Variants in CACNA1G observed in about 807,000 individuals in gnomAD.
CACNA1G encodes voltage-dependent T-type calcium channel subunit alpha-1G.
A neutral mutation model predicts 219.4 loss-of-function variants in CACNA1G; 67 were observed. The ratio of observed to expected loss-of-function variants is 0.31; its 90% CI spans 0.25 to 0.37. CACNA1G has a LOEUF of 0.37. Among genes scored for constraint, CACNA1G ranks in the 10% least tolerant of loss-of-function variants. CACNA1G has a pLI of 1.00. For synonymous variants in CACNA1G, 1,296 were observed against 1,345.3 expected, an observed-to-expected ratio of 0.96 and a Z score of 0.80; for missense variants, 2,380 against 3,231.4, an observed-to-expected ratio of 0.74 and a Z score of 6.39.
chr17:50,575,518 C>A (rs1341175142), intron 7 of CACNA1G, 25 bp from the exon 8 acceptor site: 1 of 1,584,086 alleles, frequency 6.3e-7, no homozygotes, highest in East Asian at 2.3e-5. Context: ...CAGGACATTT[C>A]CTCTTCCTGT....
At chr17:50,572,966 G>C in intron 6 of CACNA1G, 55 bp from the exon 7 acceptor site, 1 of 1,560,182 alleles carries the variant, frequency 6.4e-7, no homozygotes, top group African/African-American at 1.3e-5. Context: ...CTCTGGAGGA[G>C]ACTGAAGGAG....
At chr17:50,574,808 G>A (rs80307193) in intron 7 of CACNA1G, among the ~76,000 whole-genome samples, 2 of 152,272 alleles carry the variant, frequency 1.3e-5, no homozygotes, top group African/African-American at 2.4e-5. Context: ...TCCAAGCAAT[G>A]GCTGTTCCAG....
chr17:50,570,831 G>A (rs894567741), intron 4 of CACNA1G, among the ~76,000 whole-genome samples: 5 of 152,198 alleles, frequency 3.3e-5, no homozygotes, highest in African/African-American at 7.2e-5. Context: ...GTAGGAGGAG[G>A]GGGAGGGAGA....
At chr17:50,570,288 G>C (rs954868335) in intron 4 of CACNA1G, among the ~76,000 whole-genome samples, 1 of 151,810 alleles carries the variant, frequency 6.6e-6, no homozygotes, top group African/African-American at 2.4e-5. Context: ...CCTCCTTCCC[G>C]CCCCCTTCCA....
rs1225024612 is a variant in CACNA1G at position 50,619,670 on chromosome 17, G to T, written c.5782-13G>T. On this transcript the variant is annotated splice_polypyrimidine_tract_variant and intron_variant, in intron 33 of 37. Coordinates refer to ENST00000359106, the MANE Select transcript of CACNA1G (RefSeq NM_018896.5). The stretch of plus-strand genomic sequence containing the variant: ...CCTGCCTCTCCGGCTCCCCTTACGG[G>T]CTGGCTCCCCAGGACAGGCAGCTGT... 2.0e-5 allele frequency: 32 copies of T among 1,605,510 alleles called. No homozygotes were observed. Among genetic ancestry groups the T allele is most frequent in the Non-Finnish European group, 2.5e-5 (29 of 1,177,924 alleles).
At chr17:50,615,014 G>A (rs2050161615) in intron 26 of CACNA1G, among the ~76,000 whole-genome samples, 1 of 152,162 alleles carries the variant, frequency 6.6e-6, no homozygotes, top group African/African-American at 2.4e-5. Flanking sequence ...TCATCGTATC[G>A]ATCTGGCCTT....
At chr17:50,615,198 G>A (rs778405090) in intron 26 of CACNA1G, among the ~76,000 whole-genome samples, 163 bp from the exon 27 acceptor site, 4 of 151,964 alleles carry the variant, frequency 2.6e-5, no homozygotes, top group Admixed American at 1.3e-4. Context: ...ACGCCCAGAC[G>A]GCTGCCCCCA....
intron 25 of CACNA1G, among the ~76,000 whole-genome samples, chr17:50,608,884 G>A (rs2048547218): frequency 6.6e-6 from 1 of 152,132 alleles, no homozygotes; most frequent in Admixed American, 6.5e-5. Context: ...CCATCTGCCT[G>A]GTACAGCGTA....
Position 50,560,788 on chromosome 17 carries a change from GGCGACAGCTACGGCAGCGGCAGCCACC to G in CACNA1G, c.-668_-642del, listed in dbSNP as rs1408257217. Among the ~76,000 whole-genome samples, 2 of 152,156 alleles carry G rather than the reference GGCGACAGCTACGGCAGCGGCAGCCACC, an allele frequency of 1.3e-5. No homozygotes were observed. The highest frequency in any genetic ancestry group is 2.9e-5 in the Non-Finnish European group (2 of 68,000). Reference sequence around the variant, plus strand: ...GGCCGGAGGAGGAGGCTGTGGCGCCGGCGACAGCTACGGCAGCGGCAGCCACCGCGGCGGCTGCGGCGGCGGCATCTC... The same window carrying G: ...GGCCGGAGGAGGAGGCTGTGGCGCCGGCGGCGGCTGCGGCGGCGGCATCTC... On this transcript the variant is annotated 5_prime_UTR_variant, in exon 1 of 38. Transcript: ENST00000359106.
intron 16 of CACNA1G, 45 bp from the exon 17 acceptor site, chr17:50,599,383 C>T (rs2046165973): frequency 6.8e-7 from 1 of 1,477,066 alleles, no homozygotes; most frequent in Non-Finnish European, 9.0e-7. Flanking sequence ...GAGGACAGGG[C>T]TGCTGGGCCC....
rs2040570563 is a variant in CACNA1G at position 50,576,042 on chromosome 17, C to T, written c.1640C>T (p.Pro547Leu). 6.4e-7 allele frequency: 1 copy of T among 1,573,928 alleles called. No homozygotes were observed. Among genetic ancestry groups the T allele is most frequent in the Non-Finnish European group, 8.6e-7 (1 of 1,160,804 alleles). The change falls in exon 8 of 38, where the codon CCT (proline) becomes CTT (leucine). Residue 547 changes from proline to leucine, a missense_variant. Pro to Leu is a moderately conservative substitution (Grantham distance 98, BLOSUM62 -3). Transcript: ENST00000359106. ...ACGCCTGCCCTCTCCGGGGCCCCCC[C>T]TGGTGGCGCAGAGTCTGTGCACAGC... ...PSTPALSGAPPGGAESVHSFY... is the reference protein window; with the variant it reads ...PSTPALSGAPLGGAESVHSFY...
rs1316869795 is a variant in CACNA1G, at chr17:50,621,588, G to A, written c.5926-72G>A. The A allele has an allele frequency of 1.2e-5, 19 of 1,533,576 alleles. No homozygotes were observed. The highest frequency in any genetic ancestry group is 3.4e-4 in the Middle Eastern group (2 of 5,846). The allele number at this position is 1,533,576 out of a possible 1,614,324, so 95.0% of individuals were successfully genotyped here. The stretch of plus-strand genomic sequence containing the variant: ...GGGGAAGTGGGGACTGAGAGAGAGC[G>A]CGTGTGTGCGTGTGCACGCGCGTGT... On this transcript the variant is annotated intron_variant, in intron 34 of 37. Transcript: ENST00000359106. The surrounding 1 kb of genome is among the most constrained non-coding windows in gnomAD (Gnocchi z 4.6).
rs551065651 is a variant in CACNA1G at position 50,560,967 on chromosome 17, C to T, written c.-493C>T. The T allele has an allele frequency of 1.1e-4, 29 of 268,784 alleles. 1 individual carries two copies. In the Admixed American group the frequency reaches 1.3e-3, roughly 12 times the overall value. 16.6% of individuals were successfully genotyped at this position (268,784 alleles called of 1,614,324 possible). ...AAGCCCACCCCTAAAGAGATCCCTC[C>T]TCCCCTCCCCCGCCGCCTGGCGCGG... On this transcript the variant is annotated 5_prime_UTR_variant, in exon 1 of 38. Transcript: ENST00000359106.
Position 50,608,745 on chromosome 17 carries a change from C to T in CACNA1G, c.4705+726C>T, listed in dbSNP as rs2048508637. Reference sequence around the variant, plus strand: ...TCATGCCCTTATGCCATGGGTGGGCCGAGACTAAGTGAGAAGACAGAGGCC... The same window carrying T: ...TCATGCCCTTATGCCATGGGTGGGCTGAGACTAAGTGAGAAGACAGAGGCC... On this transcript the variant is annotated intron_variant, in intron 25 of 37. Coordinates refer to ENST00000359106, the MANE Select transcript of CACNA1G (RefSeq NM_018896.5). Among the ~76,000 whole-genome samples the T allele has an allele frequency of 3.3e-5, 5 of 152,018 alleles. No individual in the cohort carries two copies. The South Asian group carries it at 8.3e-4, about 25-fold the overall frequency.
intron 9 of CACNA1G, among the ~76,000 whole-genome samples, chr17:50,590,030 G>A (rs550970770): frequency 3.3e-5 from 5 of 151,914 alleles, no homozygotes; most frequent in Admixed American, 1.3e-4. Flanking sequence ...TACATGTGAC[G>A]TTGTGTGGGG....
Position 50,616,404 on chromosome 17 carries a change from TC to T in CACNA1G, c.5021+21del, listed in dbSNP as rs764044210. The stretch of plus-strand genomic sequence containing the variant: ...GGACAGGTAACGGAGAAAAGGGGGG[TC>T]TTGGGGACTTGCGTAGAGATAGAAA... On this transcript the variant is annotated intron_variant, in intron 28 of 37. Coordinates refer to ENST00000359106, the MANE Select transcript of CACNA1G (RefSeq NM_018896.5). The T allele has an allele frequency of 2.1e-6, 3 of 1,417,366 alleles. No individual in the cohort carries two copies. The Admixed American group carries it at 5.1e-5, about 24-fold the overall frequency. The allele number at this position is 1,417,366 out of a possible 1,614,324, so 87.8% of individuals were successfully genotyped here. A position where few individuals can be genotyped will look rare whatever the true frequency, so the allele number is the denominator to read the frequency against.
rs371517340 is a variant in CACNA1G at position 50,616,308 on chromosome 17, A to G, written c.4945A>G (p.Ile1649Val). The G allele has an allele frequency of 7.4e-6, 12 of 1,613,478 alleles. No individual in the cohort carries two copies. Among genetic ancestry groups the G allele is most frequent in the South Asian group, 1.1e-5 (1 of 91,058 alleles). ...TGAGGCTCTGAAGATCTGCAACTAC[A>G]TCTTCACTGTCATCTTTGTCTTGGA... ...LDEALKICNY[I>V]FTVIFVLESV... The change falls in exon 28 of 38, where the codon ATC becomes GTC. Residue 1649 changes from isoleucine to valine, a missense_variant. Physicochemically the swap from Ile to Val is conservative, Grantham distance 29. This residue lies in a region of CACNA1G where 123 missense variants were observed against 258.4 expected (regional missense o/e 0.48). Coordinates refer to ENST00000359106, the MANE Select transcript of CACNA1G (RefSeq NM_018896.5).
intron 33 of CACNA1G, 34 bp downstream of exon 33, chr17:50,619,042 C>G: frequency 6.8e-7 from 1 of 1,463,784 alleles, no homozygotes; most frequent in Non-Finnish European, 9.1e-7. Context: ...GTGAGAGGAG[C>G]TGGGGCAGGA....
intron 13 of CACNA1G, 28 bp from the exon 14 acceptor site, chr17:50,594,965 C>T: frequency 6.5e-7 from 1 of 1,543,250 alleles, no homozygotes; most frequent in Non-Finnish European, 8.8e-7. Context: ...GACCAGCAGC[C>T]CTCCCCTGCC....
Sources: allele counts gnomAD v4.1 joint callset (sites outside exome capture counted in the v4.1 genomes callset), GRCh38; gene constraint gnomAD v4.1.1; regional missense constraint gnomAD v4.1.1; non-coding constraint Gnocchi (gnomAD v3.1); transcripts MANE v1.5; gene names NCBI Gene and HGNC (gene_info 2026-07-23, HGNC 2026-07-21).